Variants in MAP3K19 observed in about 807,000 individuals in gnomAD.
MAP3K19 encodes mitogen-activated protein kinase kinase kinase 19.
MAP3K19 carries 91 observed loss-of-function variants against 114.4 expected under a neutral mutation model. The observed-to-expected ratio is 0.80, with a 90% confidence interval of 0.67 to 0.95. MAP3K19 has a LOEUF of 0.95. Among genes scored for constraint, MAP3K19 ranks in the 40% least tolerant of loss-of-function variants. The pLI is 0.00. For synonymous variants in MAP3K19, 518 were observed against 530.5 expected, an observed-to-expected ratio of 0.98 and a Z score of 0.32; for missense variants, 1,471 against 1,573.2, an observed-to-expected ratio of 0.94 and a Z score of 1.10.
chr2:134,997,194 A>G (rs1269538433), intron 8 of MAP3K19, among the ~76,000 whole-genome samples: 1 of 152,220 alleles, frequency 6.6e-6, no homozygotes, highest in East Asian at 1.9e-4. Flanking sequence ...ATAGCCCATC[A>G]AAACACTGCT....
chr2:134,996,444 C>T (rs559908075), intron 8 of MAP3K19, among the ~76,000 whole-genome samples: 161 of 152,086 alleles, frequency 1.1e-3, no homozygotes, highest in African/African-American at 3.7e-3. Context: ...TTTTGTAATC[C>T]GGCGAAGATG....
intron 1 of MAP3K19, among the ~76,000 whole-genome samples, chr2:135,041,840 C>G (rs113609028): frequency 6.6e-6 from 1 of 152,074 alleles, no homozygotes; most frequent in Non-Finnish European, 1.5e-5. Flanking sequence ...GAAAAACAAA[C>G]AAGAAAAAGT....
intron 12 of MAP3K19, among the ~76,000 whole-genome samples, chr2:134,975,723 G>C (rs1684192650): frequency 6.6e-6 from 1 of 152,128 alleles, no homozygotes; most frequent in South Asian, 2.1e-4. Context: ...TTGGCTTCTG[G>C]TGGTGGCAGC....
chr2:134,968,312 C>T (rs1573898603), intron 12 of MAP3K19, among the ~76,000 whole-genome samples: 1 of 151,956 alleles, frequency 6.6e-6, no homozygotes, highest in Non-Finnish European at 1.5e-5. Flanking sequence ...CCCCACCTTT[C>T]CCCCGTTTCT....
chr2:135,007,464 CAATTA>C (rs1686907597), intron 5 of MAP3K19, among the ~76,000 whole-genome samples: 1 of 152,094 alleles, frequency 6.6e-6, no homozygotes, highest in East Asian at 1.9e-4. Context: ...TTTAAACGTA[CAATTA>C]AATTATTACT....
At chr2:134,982,344 A>AT (rs1485931253) in intron 11 of MAP3K19, among the ~76,000 whole-genome samples, 1 of 90,198 alleles carries the variant, frequency 1.1e-5, no homozygotes, top group Non-Finnish European at 2.3e-5. Context: ...TGCCTCACAG[A>AT]TTTTTTTCTT....
chr2:135,031,241 C>T (rs1688373276), intron 2 of MAP3K19, among the ~76,000 whole-genome samples: 2 of 151,430 alleles, frequency 1.3e-5, no homozygotes, highest in African/African-American at 4.9e-5. Context: ...GGGGGCACTT[C>T]GACAAAATCT....
rs911882276 is a variant in MAP3K19, at chr2:134,986,366, C to T, written c.2506G>A (p.Asp836Asn). The T allele has an allele frequency of 1.2e-6, 2 of 1,613,698 alleles. No individual in the cohort carries two copies. Among genetic ancestry groups the T allele is most frequent in the Non-Finnish European group, 1.7e-6 (2 of 1,179,984 alleles). The change falls in exon 10 of 13, where the codon GAT becomes AAT. Residue 836 changes from aspartate (D) to asparagine (N), a missense_variant. By Grantham distance (23) the Asp-to-Asn change is conservative. Transcript: ENST00000392915. The stretch of plus-strand genomic sequence containing the variant: ...TGTAGCTCTTCAAGTTCTTGCAGAT[C>T]TCTGAGGCTTGTGGTGAGTATTTGA... ...NNQILTTSLRDLQELEELHHQ... is the reference protein window; with the variant it reads ...NNQILTTSLRNLQELEELHHQ...
At chr2:134,984,500 G>A (rs1357584972) in intron 10 of MAP3K19, among the ~76,000 whole-genome samples, 1 of 152,002 alleles carries the variant, frequency 6.6e-6, no homozygotes, top group African/African-American at 2.4e-5. Flanking sequence ...ACCAACCCAG[G>A]AAATCAACCC....
chr2:135,035,625 T>G (rs1688509195), intron 2 of MAP3K19, among the ~76,000 whole-genome samples: 1 of 152,132 alleles, frequency 6.6e-6, no homozygotes, highest in East Asian at 1.9e-4. Context: ...AATATGAATA[T>G]ACAAAAAAAC....
chr2:135,020,845 T>G (rs1427790064), intron 5 of MAP3K19, among the ~76,000 whole-genome samples: 1 of 152,164 alleles, frequency 6.6e-6, no homozygotes, highest in Non-Finnish European at 1.5e-5. Context: ...ACCATGATTG[T>G]AAGTTTCCTG....
At chr2:134,988,846 G>A (rs1203529282) in intron 9 of MAP3K19, among the ~76,000 whole-genome samples, 2 of 152,140 alleles carry the variant, frequency 1.3e-5, no homozygotes. Flanking sequence ...AAAAATTTAA[G>A]ATAAGAAGCA....
intron 1 of MAP3K19, among the ~76,000 whole-genome samples, chr2:135,045,210 C>A (rs1688716934): frequency 6.6e-6 from 1 of 152,188 alleles, no homozygotes; most frequent in African/African-American, 2.4e-5. Flanking sequence ...TAACAGTTTT[C>A]TTTAAGCTCT....
intron 12 of MAP3K19, among the ~76,000 whole-genome samples, chr2:134,975,749 A>G (rs1684193630): frequency 6.6e-6 from 1 of 152,106 alleles, no homozygotes; most frequent in African/African-American, 2.4e-5. Flanking sequence ...CAGCCAAGAA[A>G]GCCAGTCCTC....
chr2:134,991,175 C>T (rs1212832711), intron 9 of MAP3K19, among the ~76,000 whole-genome samples: 9 of 151,928 alleles, frequency 5.9e-5, no homozygotes, highest in Non-Finnish European at 1.5e-5. Flanking sequence ...GTGGCGGGTG[C>T]GTGTAGTCCC....
At chr2:135,012,425 G>A (rs753506852) in intron 5 of MAP3K19, among the ~76,000 whole-genome samples, 5 of 152,100 alleles carry the variant, frequency 3.3e-5, no homozygotes, top group Admixed American at 6.5e-5. Flanking sequence ...ATTTATAAAT[G>A]CGCAAAGCTA....
At chr2:135,012,944 CTTGT>C (rs61102621) in intron 5 of MAP3K19, among the ~76,000 whole-genome samples, 37,681 of 151,596 alleles carry the variant, frequency 0.25, 5,812 homozygotes, top group African/African-American at 0.4. Flanking sequence ...CCCCCAAACC[CTTGT>C]TTGTTTGTTT....
chr2:135,026,875 A>G (rs1688268633), intron 3 of MAP3K19, among the ~76,000 whole-genome samples: 1 of 152,234 alleles, frequency 6.6e-6, no homozygotes, highest in African/African-American at 2.4e-5. Context: ...AAAGAGCCAG[A>G]TATCATAAGA....
intron 12 of MAP3K19, among the ~76,000 whole-genome samples, chr2:134,977,905 T>C (rs370726854): frequency 9.8e-5 from 15 of 152,328 alleles, no homozygotes; most frequent in East Asian, 5.8e-4. Context: ...AATTGCCCTC[T>C]TGAAATTAAC....
Sources: allele counts gnomAD v4.1 joint callset (sites outside exome capture counted in the v4.1 genomes callset), GRCh38; gene constraint gnomAD v4.1.1; transcripts MANE v1.5; gene names NCBI Gene and HGNC (gene_info 2026-07-23, HGNC 2026-07-21).